DIAPH3: variants seen among roughly 807,000 people sequenced by gnomAD.
The protein encoded by DIAPH3 is diaphanous related formin 3, also known as protein diaphanous homolog 3.
A neutral mutation model predicts 144.3 loss-of-function variants in DIAPH3; 117 were observed. The observed-to-expected ratio is 0.81, with a 90% CI of 0.70 to 0.95. DIAPH3 has a LOEUF of 0.95. Ranked by LOEUF, DIAPH3 falls within the 40% of genes least tolerant of loss-of-function variation. The pLI is 0.00. For synonymous variants in DIAPH3, 519 were observed against 488.9 expected (o/e 1.06, Z -0.81); for missense variants, 1,421 against 1,412.7 (o/e 1.01, Z -0.09).
At chr13:60,010,877 G>A (rs1279975277) in intron 7 of DIAPH3, among the ~76,000 whole-genome samples, 4 of 151,998 alleles carry the variant, frequency 2.6e-5, no homozygotes, top group African/African-American at 7.3e-5. Context: ...AGGCAGAGGC[G>A]GGCAGATTAC....
intron 25 of DIAPH3, 43 bp from the exon 26 acceptor site, chr13:59,774,866 A>G (rs1053423199): frequency 8.5e-6 from 13 of 1,529,632 alleles, no homozygotes; most frequent in Non-Finnish European, 1.1e-5. Flanking sequence ...CCTCAGGGTT[A>G]CCATAGCAAT....
At chr13:59,678,225 C>A (rs945333714) in intron 27 of DIAPH3, among the ~76,000 whole-genome samples, 2 of 152,014 alleles carry the variant, frequency 1.3e-5, no homozygotes, top group Admixed American at 6.5e-5. Context: ...CATAGCACAG[C>A]AGCATTATCT....
intron 2 of DIAPH3, among the ~76,000 whole-genome samples, chr13:60,127,045 T>C (rs1411350587): frequency 6.6e-6 from 1 of 151,782 alleles, no homozygotes; most frequent in Non-Finnish European, 1.5e-5. Flanking sequence ...AGAAAATTAG[T>C]GAAAACAAAA....
At chr13:59,992,207 T>G in intron 10 of DIAPH3, 21 bp from the exon 11 acceptor site, 1 of 1,548,690 alleles carries the variant, frequency 6.5e-7, no homozygotes, top group Non-Finnish European at 8.9e-7. Context: ...GAAATAGAAA[T>G]TATGATGAAT....
At chr13:59,991,996 T>A in intron 11 of DIAPH3, 72 bp downstream of exon 11, 1 of 1,166,790 alleles carries the variant, frequency 8.6e-7, no homozygotes, top group South Asian at 1.2e-5. Context: ...AGCTAAATAT[T>A]TGTGGCTGAG....
At chr13:60,094,383 T>G (rs17057612) in intron 3 of DIAPH3, among the ~76,000 whole-genome samples, 7,440 of 152,280 alleles carry the variant, frequency 0.049, 286 homozygotes, top group African/African-American at 0.096. Context: ...ACTAAGATCT[T>G]GCTACAAGCT....
At chr13:60,002,832 A>G (rs968722628) in intron 9 of DIAPH3, among the ~76,000 whole-genome samples, 2 of 152,208 alleles carry the variant, frequency 1.3e-5, no homozygotes, top group Admixed American at 1.3e-4. Flanking sequence ...GACCAACAGC[A>G]AGGGTTTCAA....
intron 17 of DIAPH3, among the ~76,000 whole-genome samples, chr13:59,952,593 T>C (rs1307385614): frequency 6.6e-6 from 1 of 152,180 alleles, no homozygotes; most frequent in African/African-American, 2.4e-5. Flanking sequence ...AGGTGAATCA[T>C]TTTAGCATCT....
chr13:59,839,490 T>C (rs1345504657), intron 22 of DIAPH3, 42 bp from the exon 23 acceptor site: 1 of 1,597,826 alleles, frequency 6.3e-7, no homozygotes, highest in Non-Finnish European at 8.5e-7. Flanking sequence ...GACAAAATTA[T>C]AATATATAAA....
At chr13:59,693,493 C>T (rs2033644598) in intron 27 of DIAPH3, among the ~76,000 whole-genome samples, 1 of 152,060 alleles carries the variant, frequency 6.6e-6, no homozygotes, top group South Asian at 2.1e-4. Context: ...GTGCAAATCC[C>T]TCTCTCCTAC....
intron 27 of DIAPH3, among the ~76,000 whole-genome samples, chr13:59,732,386 G>A (rs2035931404): frequency 6.7e-6 from 1 of 149,468 alleles, no homozygotes; most frequent in African/African-American, 2.5e-5. Context: ...ATGCTTAATT[G>A]TTTTGTCCTA....
At chr13:60,058,469 A>G (rs981997203) in intron 4 of DIAPH3, among the ~76,000 whole-genome samples, 3 of 152,066 alleles carry the variant, frequency 2.0e-5, no homozygotes, top group African/African-American at 7.2e-5. Flanking sequence ...ACCTTCATGG[A>G]AAACAGTAGG....
At chr13:59,716,396 C>T (rs760601769) in intron 27 of DIAPH3, among the ~76,000 whole-genome samples, 12 of 152,116 alleles carry the variant, frequency 7.9e-5, no homozygotes, top group East Asian at 1.9e-4. Flanking sequence ...AGGATGGTCT[C>T]GATCTCCTGA....
chr13:59,715,956 A>T (rs1257297491), intron 27 of DIAPH3, among the ~76,000 whole-genome samples: 2 of 152,152 alleles, frequency 1.3e-5, no homozygotes, highest in Non-Finnish European at 2.9e-5. Context: ...GATGAAAGTT[A>T]AAAAAATTTT....
intron 5 of DIAPH3, among the ~76,000 whole-genome samples, chr13:60,024,066 G>A (rs1400191962): frequency 3.3e-5 from 5 of 151,018 alleles, no homozygotes; most frequent in Non-Finnish European, 7.4e-5. Flanking sequence ...TGTTGGCCAG[G>A]CTGGTCTCAA....
intron 27 of DIAPH3, among the ~76,000 whole-genome samples, chr13:59,749,188 T>C (rs2036859323): frequency 8.7e-6 from 1 of 114,866 alleles, no homozygotes; most frequent in South Asian, 2.9e-4. Context: ...CACTCCAGCC[T>C]AGGTGACTGA....
intron 22 of DIAPH3, among the ~76,000 whole-genome samples, chr13:59,840,969 C>T (rs1464732304): frequency 3.4e-5 from 5 of 149,178 alleles, no homozygotes; most frequent in Admixed American, 1.3e-4. Context: ...ATTCCAATAC[C>T]TTGCTGTGCA....
chr13:59,733,623 T>A (rs1161896765), intron 27 of DIAPH3, among the ~76,000 whole-genome samples: 1 of 152,236 alleles, frequency 6.6e-6, no homozygotes, highest in Non-Finnish European at 1.5e-5. Context: ...ACCAGTGCCA[T>A]CGCCCTTTAG....
In DIAPH3 at chr13:59,992,656, G is replaced by C. The variant is rs2051909040; in HGVS notation, c.1015-73C>G. 3.3e-6 allele frequency: 4 copies of C among 1,199,806 alleles called. No individual in the cohort carries two copies. In the East Asian group the frequency reaches 9.9e-5, roughly 30 times the overall value. 74.3% of individuals were successfully genotyped at this position (1,199,806 alleles called of 1,614,324 possible). A position where few individuals can be genotyped will look rare whatever the true frequency, so the allele number is the denominator to read the frequency against. On this transcript the variant is annotated intron_variant, in intron 9 of 27. Transcript: ENST00000400324. ...AAAGAGTAACAAACGTAAACTTCAA[G>C]GTTTTGTTCCAGCATTATTAAATAT...
Sources: allele counts gnomAD v4.1 joint callset (sites outside exome capture counted in the v4.1 genomes callset), GRCh38; gene constraint gnomAD v4.1.1; transcripts MANE v1.5; gene names NCBI Gene and HGNC (gene_info 2026-07-23, HGNC 2026-07-21).